Variants in SORCS3 observed in about 807,000 individuals in gnomAD.
SORCS3 encodes the protein sortilin related VPS10 domain containing receptor 3.
In SORCS3, 57 loss-of-function variants were observed where a neutral mutation model predicts 146.3. That is an observed-to-expected ratio of 0.39 (90% CI 0.31 to 0.49). The LOEUF (loss-of-function observed/expected upper bound fraction) is 0.49. Among genes scored for constraint, SORCS3 ranks in the 20% least tolerant of loss-of-function variants. The pLI is 0.92. For missense variants in SORCS3, 1,341 were observed against 1,575.5 expected, an observed-to-expected ratio of 0.85 and a Z score of 2.52; for synonymous variants, 653 against 618.5, an observed-to-expected ratio of 1.06 and a Z score of -0.83.
At chr10:105,011,765 T>G (rs2133681543) in intron 4 of SORCS3, among the ~76,000 whole-genome samples, 1 of 152,246 alleles carries the variant, frequency 6.6e-6, no homozygotes, top group Non-Finnish European at 1.5e-5. Flanking sequence ...CATTCCTCTT[T>G]CCACCAGTGT....
intron 1 of SORCS3, among the ~76,000 whole-genome samples, chr10:104,778,153 G>A (rs545944305): frequency 2.0e-5 from 3 of 152,316 alleles, no homozygotes; most frequent in South Asian, 4.1e-4. Context: ...AAATGTCTTA[G>A]ACGATGGATA....
At chr10:105,128,048 G>A (rs182559721) in intron 7 of SORCS3, among the ~76,000 whole-genome samples, 1 of 152,172 alleles carries the variant, frequency 6.6e-6, no homozygotes, top group Admixed American at 6.5e-5. Context: ...CCACCATGGA[G>A]CTGAATACCC....
rs555520607 is a variant in SORCS3, at chr10:104,641,967, C to T, written c.627+13C>T. On this transcript the variant is annotated intron_variant, in intron 1 of 26. Transcript: ENST00000369701. The surrounding 1 kb of genome is among the most constrained non-coding windows in gnomAD (Gnocchi z 6.4). ...ACACAACAGCAGCGTGAGTACCCAC[C>T]CGGCGGCGGGTCCGCCTGTTTCCTG... The T allele has an allele frequency of 7.7e-7, 1 of 1,303,416 alleles. No individual in the cohort carries two copies. Among genetic ancestry groups the T allele is most frequent in the African/African-American group, 1.7e-5 (1 of 59,856 alleles). The allele number at this position is 1,303,416 out of a possible 1,614,324, so 80.7% of individuals were successfully genotyped here. A position where few individuals can be genotyped will look rare whatever the true frequency, so the allele number is the denominator to read the frequency against.
chr10:104,941,337 C>T (rs1283242466), intron 3 of SORCS3, among the ~76,000 whole-genome samples: 1 of 152,148 alleles, frequency 6.6e-6, no homozygotes, highest in Non-Finnish European at 1.5e-5. Context: ...GATTTGCACA[C>T]CTCTGATACC....
chr10:104,682,902 T>C (rs2015996888), intron 1 of SORCS3, among the ~76,000 whole-genome samples: 1 of 152,178 alleles, frequency 6.6e-6, no homozygotes, highest in African/African-American at 2.4e-5. Flanking sequence ...AGCTCTCTGC[T>C]TTCTGCTCCT....
At chr10:104,752,363 AAG>A (rs1290272831) in intron 1 of SORCS3, among the ~76,000 whole-genome samples, 1 of 152,086 alleles carries the variant, frequency 6.6e-6, no homozygotes, top group African/African-American at 2.4e-5. Context: ...TGATAAGGAA[AAG>A]AGAGAGATCA....
At chr10:104,794,154 C>T (rs946809091) in intron 1 of SORCS3, among the ~76,000 whole-genome samples, 9 of 152,172 alleles carry the variant, frequency 5.9e-5, no homozygotes, top group Admixed American at 5.9e-4. Flanking sequence ...CAGGGTCATT[C>T]ATCTTTGAAT....
intron 19 of SORCS3, among the ~76,000 whole-genome samples, chr10:105,217,408 C>T (rs2056672077): frequency 6.6e-6 from 1 of 152,228 alleles, no homozygotes; most frequent in Admixed American, 6.5e-5. Context: ...GTAAAAGTCT[C>T]CTCTCTTCCT....
chr10:104,761,994 C>T (rs1218405731), intron 1 of SORCS3, among the ~76,000 whole-genome samples: 10 of 152,158 alleles, frequency 6.6e-5, no homozygotes, highest in Non-Finnish European at 1.5e-4. Context: ...TTCTAAACTT[C>T]CGAAACCAAA....
At chr10:104,844,272 C>G (rs1009651160) in intron 2 of SORCS3, among the ~76,000 whole-genome samples, 11 of 152,156 alleles carry the variant, frequency 7.2e-5, no homozygotes, top group African/African-American at 2.7e-4. Context: ...AACCTCCCTT[C>G]AAGCCCAAGC....
At chr10:104,656,493 A>G (rs1370272123) in intron 1 of SORCS3, among the ~76,000 whole-genome samples, 1 of 152,102 alleles carries the variant, frequency 6.6e-6, no homozygotes, top group Non-Finnish European at 1.5e-5. Flanking sequence ...TGCAAAAAAT[A>G]CACACACAAA....
intron 15 of SORCS3, 85 bp from the exon 16 acceptor site, chr10:105,201,035 C>T: frequency 6.9e-7 from 1 of 1,445,344 alleles, no homozygotes; most frequent in East Asian, 2.4e-5. Flanking sequence ...TGAGAATGAA[C>T]AGGCTAATGC....
At chr10:105,251,915 T>C (rs780828647) in intron 22 of SORCS3, among the ~76,000 whole-genome samples, 13 of 152,212 alleles carry the variant, frequency 8.5e-5, no homozygotes, top group Non-Finnish European at 1.9e-4. Context: ...TATAGAGTTG[T>C]AACCAAAGAA....
intron 20 of SORCS3, among the ~76,000 whole-genome samples, chr10:105,223,521 T>A (rs1229544441): frequency 2.0e-5 from 3 of 152,228 alleles, no homozygotes; most frequent in African/African-American, 7.2e-5. Context: ...TTTCTAAAAT[T>A]TCATTCGTTC....
chr10:104,994,365 TA>T (rs1242774039), intron 4 of SORCS3, among the ~76,000 whole-genome samples: 1 of 152,250 alleles, frequency 6.6e-6, no homozygotes. Flanking sequence ...GAAATCTTTT[TA>T]GATGCTCATA....
rs74707609 is a variant in SORCS3 at position 105,143,969 on chromosome 10, G to A, written c.1303-3648G>A. ...CTGCCTCTAGCATTGCCCCTCTTAA[G>A]TCTTCTCTTCACAATGCTTCCGCAA... On this transcript the variant is annotated intron_variant, in intron 8 of 26. Transcript: ENST00000369701. 2.4e-3 allele frequency among the ~76,000 whole-genome samples: 366 copies of A among 152,188 alleles called. 12 individuals carry two copies. Among genetic ancestry groups the A allele is most frequent in the East Asian group, 0.022 (113 of 5,168 alleles).
intron 1 of SORCS3, among the ~76,000 whole-genome samples, chr10:104,818,397 C>CTTCT (rs1204870421): frequency 6.8e-6 from 1 of 147,666 alleles, no homozygotes; most frequent in Non-Finnish European, 1.5e-5. Flanking sequence ...TCCTTCCTTC[C>CTTCT]TTCCTTCTTT....
At chr10:104,790,316 G>C (rs1189067555) in intron 1 of SORCS3, among the ~76,000 whole-genome samples, 1 of 151,460 alleles carries the variant, frequency 6.6e-6, no homozygotes, top group African/African-American at 2.4e-5. Flanking sequence ...AGTAGATGGA[G>C]AAGTAAGAGA....
intron 1 of SORCS3, among the ~76,000 whole-genome samples, chr10:104,810,665 A>G (rs2017730090): frequency 6.6e-6 from 1 of 152,212 alleles, no homozygotes; most frequent in South Asian, 2.1e-4. Flanking sequence ...AGAAGTGGAA[A>G]TACTGGGCCA....
Sources: allele counts gnomAD v4.1 joint callset (sites outside exome capture counted in the v4.1 genomes callset), GRCh38; gene constraint gnomAD v4.1.1; non-coding constraint Gnocchi (gnomAD v3.1); transcripts MANE v1.5; gene names NCBI Gene and HGNC (gene_info 2026-07-23, HGNC 2026-07-21).